The following SPIN1 variants were observed in gnomAD, a reference collection of about 807,000 sequenced individuals.
SPIN1 encodes the protein spindlin-1.
SPIN1 carries 3 observed loss-of-function variants against 26.0 expected under a neutral mutation model. That is an observed-to-expected ratio of 0.12 (90% CI 0.05 to 0.30). SPIN1 has a LOEUF of 0.30. Among genes scored for constraint, SPIN1 ranks in the 10% least tolerant of loss-of-function variants. The probability of loss-of-function intolerance (pLI) is 1.00; values close to 1 mark genes in which losing one functional copy is unlikely to be tolerated. For synonymous variants in SPIN1, 101 were observed against 116.5 expected, an observed-to-expected ratio of 0.87 and a Z score of 0.86; for missense variants, 126 against 333.4, an observed-to-expected ratio of 0.38 and a Z score of 4.84.
chr9:88,420,233 G>T lies in SPIN1; in HGVS notation c.-158-6149G>T, dbSNP rs540744620. On this transcript the variant is annotated intron_variant, in intron 1 of 5. Coordinates refer to ENST00000375859, the MANE Select transcript of SPIN1 (RefSeq NM_006717.3). ...TCTACTAAAATTACAAAATTATCTG[G>T]ATGTGGTGGCGCATGCCTGTAATCC... Among the ~76,000 whole-genome samples, 9 of 152,306 alleles carry T rather than the reference G, an allele frequency of 5.9e-5. No individual in the cohort carries two copies. The South Asian group carries it at 1.0e-3, about 18-fold the overall frequency.
chr9:88,473,985 A>C (rs749568832), intron 5 of SPIN1, among the ~76,000 whole-genome samples: 1 of 152,230 alleles, frequency 6.6e-6, no homozygotes, highest in Non-Finnish European at 1.5e-5. Context: ...TGTGACTCTT[A>C]GTACCAGAGA....
intron 1 of SPIN1, among the ~76,000 whole-genome samples, chr9:88,396,369 A>G (rs1249773243): frequency 3.3e-5 from 5 of 151,976 alleles, no homozygotes. Context: ...TGGGAGGCTG[A>G]GGTGGGCGGA....
intron 3 of SPIN1, chr9:88,457,751 G>A (rs1828498725): frequency 1.2e-6 from 1 of 832,532 alleles, no homozygotes. Flanking sequence ...AAAATCTAGC[G>A]TTTGTATTCC....
At chr9:88,464,191 A>G (rs1479920705) in intron 4 of SPIN1, among the ~76,000 whole-genome samples, 2 of 152,240 alleles carry the variant, frequency 1.3e-5, no homozygotes, top group African/African-American at 2.4e-5. Flanking sequence ...TCAGCAATAT[A>G]TATGCCTAAT....
Position 88,408,904 on chromosome 9 carries a change from C to T in SPIN1, c.-158-17478C>T, listed in dbSNP as rs539167430. 3.4e-4 allele frequency among the ~76,000 whole-genome samples: 52 copies of T among 151,762 alleles called. 1 individual carries two copies. The South Asian group carries it at 9.6e-3, about 28-fold the overall frequency. ...TGGTCTCGATCTCGACCTCGTGATC[C>T]GCCCGCCTGGGCCTCCCAAAGTGTT... is the stretch of plus-strand genomic sequence containing the variant. On this transcript the variant is annotated intron_variant, in intron 1 of 5. Transcript: ENST00000375859.
chr9:88,416,294 C>T (rs1450802800), intron 1 of SPIN1, among the ~76,000 whole-genome samples: 2 of 152,068 alleles, frequency 1.3e-5, no homozygotes, highest in East Asian at 1.9e-4. Context: ...TTCTTTTCTG[C>T]TAAACCATCC....
At chr9:88,393,694 A>G (rs1333954589) in intron 1 of SPIN1, among the ~76,000 whole-genome samples, 1 of 151,838 alleles carries the variant, frequency 6.6e-6, no homozygotes, top group Non-Finnish European at 1.5e-5. Flanking sequence ...TGACATTGTG[A>G]TCTGCCCGCC....
At chr9:88,454,668 C>T (rs1312096500) in intron 3 of SPIN1, among the ~76,000 whole-genome samples, 2 of 152,154 alleles carry the variant, frequency 1.3e-5, no homozygotes, top group Non-Finnish European at 2.9e-5. Flanking sequence ...CAATAATCTA[C>T]ATCAAACATC....
chr9:88,394,660 T>C (rs536016511), intron 1 of SPIN1, among the ~76,000 whole-genome samples: 3 of 152,300 alleles, frequency 2.0e-5, no homozygotes, highest in African/African-American at 7.2e-5. Flanking sequence ...CCTTAAAATA[T>C]ATCCACATAA....
chr9:88,401,138 C>G (rs781758661), intron 1 of SPIN1, among the ~76,000 whole-genome samples: 4 of 152,152 alleles, frequency 2.6e-5, no homozygotes, highest in Non-Finnish European at 5.9e-5. Flanking sequence ...ATTTAAAATG[C>G]ATGTGCTCTG....
chr9:88,410,440 G>C (rs1827418722), intron 1 of SPIN1: 2 of 647,418 alleles, frequency 3.1e-6, no homozygotes, highest in African/African-American at 3.6e-5. Context: ...TGCCACCACT[G>C]TGCTTGGCTG....
chr9:88,431,908 G>A (rs1827880370), intron 2 of SPIN1, among the ~76,000 whole-genome samples: 1 of 152,034 alleles, frequency 6.6e-6, no homozygotes, highest in Admixed American at 6.6e-5. Context: ...GGGTGTGATG[G>A]TGTGTACCTG....
Position 88,408,001 on chromosome 9 carries a change from A to G in SPIN1, c.-158-18381A>G, listed in dbSNP as rs544921113. ...AGGCTGGTCTTGAACTCCTGGGCTC[A>G]AGGGATCTGCCTGCCTCAGTCTCTC... On this transcript the variant is annotated intron_variant, in intron 1 of 5. Transcript: ENST00000375859. Among the ~76,000 whole-genome samples the G allele has an allele frequency of 3.3e-5, 5 of 152,020 alleles. No homozygotes were observed. In the East Asian group the frequency reaches 9.7e-4, roughly 30 times the overall value.
rs575307712 is a variant in SPIN1 at position 88,436,337 on chromosome 9, A to AT, written c.52+9753dup. Among the ~76,000 whole-genome samples the AT allele has an allele frequency of 2.2e-3, 329 of 152,218 alleles. 1 individual carries two copies. Among genetic ancestry groups the AT allele is most frequent in the African/African-American group, 7.7e-3 (321 of 41,534 alleles). On this transcript the variant is annotated intron_variant, in intron 2 of 5. Transcript: ENST00000375859. ...GAGTTGCAAAGAGATAACGGGCTCT[A>AT]TTTTTTTAGAGCAGTTTTAGGTACT...
At position 88,468,365 on chromosome 9, in the gene SPIN1, TC is replaced by T; in HGVS notation, c.356-3del. 2 of 1,361,726 alleles carry T rather than the reference TC, an allele frequency of 1.5e-6. No homozygotes were observed. The highest frequency in any genetic ancestry group is 2.8e-5 in the South Asian group (2 of 71,980). 84.4% of individuals were successfully genotyped at this position (1,361,726 alleles called of 1,614,324 possible). A position where few individuals can be genotyped will look rare whatever the true frequency, so the allele number is the denominator to read the frequency against. ...GTCAACTTTTTTTTTTTTTTTTTAA[TC>T]CCCAGCGACATCTCGAATCAGCGAT... On this transcript the variant is annotated splice_region_variant and splice_polypyrimidine_tract_variant and intron_variant, in intron 4 of 5. Coordinates refer to ENST00000375859, the MANE Select transcript of SPIN1 (RefSeq NM_006717.3).
chr9:88,416,226 A>G (rs1231424193), intron 1 of SPIN1, among the ~76,000 whole-genome samples: 1 of 152,266 alleles, frequency 6.6e-6, no homozygotes, highest in Non-Finnish European at 1.5e-5. Context: ...TGTCCTCAAC[A>G]TCTACATTCA....
chr9:88,398,638 C>T (rs951165371), intron 1 of SPIN1, among the ~76,000 whole-genome samples: 4 of 152,210 alleles, frequency 2.6e-5, no homozygotes, highest in Non-Finnish European at 4.4e-5. Context: ...TGCAATGGCG[C>T]GATGTTGGCT....
chr9:88,461,197 T>C (rs747402911), intron 3 of SPIN1, among the ~76,000 whole-genome samples: 1 of 152,212 alleles, frequency 6.6e-6, no homozygotes, highest in South Asian at 2.1e-4. Context: ...GGTCCTGTCC[T>C]GGTCAGTAAG....
At chr9:88,432,378 G>A (rs1827897553) in intron 2 of SPIN1, among the ~76,000 whole-genome samples, 1 of 152,014 alleles carries the variant, frequency 6.6e-6, no homozygotes, top group Admixed American at 6.6e-5. Flanking sequence ...AGTAGAGACA[G>A]GGTTTCACCA....
Sources: gnomAD v4.1 joint callset for allele counts (sites outside exome capture counted in the v4.1 genomes callset) on GRCh38, gnomAD v4.1.1 for gene constraint, MANE v1.5 for transcripts, NCBI Gene and HGNC (gene_info 2026-07-23, HGNC 2026-07-21) for gene names.